Variants in GNA12 observed in about 807,000 individuals in gnomAD.
GNA12 encodes G protein subunit alpha 12, also known as guanine nucleotide-binding protein subunit alpha-12.
A neutral mutation model predicts 26.0 loss-of-function variants in GNA12; 9 were observed. The ratio of observed to expected loss-of-function variants is 0.35; its 90% CI spans 0.21 to 0.60. GNA12 has a LOEUF of 0.60. Among genes scored for constraint, GNA12 ranks in the 20% least tolerant of loss-of-function variants. The pLI is 0.78. For synonymous variants in GNA12, 264 were observed against 219.6 expected, an observed-to-expected ratio of 1.20 and a Z score of -1.79; for missense variants, 405 against 525.8, an observed-to-expected ratio of 0.77 and a Z score of 2.25.
chr7:2,829,489 C>T (rs1389870854), intron 1 of GNA12, among the ~76,000 whole-genome samples: 1 of 152,230 alleles, frequency 6.6e-6, no homozygotes, highest in African/African-American at 2.4e-5. Context: ...GTCTCCGATG[C>T]ACCTATGAGA....
intron 1 of GNA12, among the ~76,000 whole-genome samples, chr7:2,830,678 G>C (rs1793584590): frequency 6.6e-6 from 1 of 152,208 alleles, no homozygotes; most frequent in Non-Finnish European, 1.5e-5. Flanking sequence ...GGAAACATGA[G>C]GCTAGGAAAG....
Position 2,731,080 on chromosome 7 carries a change from C to T in GNA12, c.*101G>A, listed in dbSNP as rs187251454. The T allele has an allele frequency of 4.9e-3, 3,797 of 779,796 alleles. 12 individuals are homozygous for T. Among genetic ancestry groups the T allele is most frequent in the Non-Finnish European group, 6.4e-3 (3,111 of 482,474 alleles). The allele number at this position is 779,796 out of a possible 1,614,324, so 48.3% of individuals were successfully genotyped here. A position where few individuals can be genotyped will look rare whatever the true frequency, so the allele number is the denominator to read the frequency against. ...AGCCAGGTATTCCAGGGCACGGATC[C>T]GAGAAACCCACTCAAGGACCACACA... On this transcript the variant is annotated 3_prime_UTR_variant, in exon 4 of 4. Transcript: ENST00000275364. The surrounding 1 kb of genome is among the most constrained non-coding windows in gnomAD (Gnocchi z 6.0).
intron 1 of GNA12, chr7:2,814,916 C>A: frequency 6.3e-7 from 1 of 1,597,466 alleles, no homozygotes; most frequent in Admixed American, 1.7e-5. Context: ...GCCTGGGAAA[C>A]ATTCTCCGTT....
At chr7:2,786,877 C>T (rs983001188) in intron 2 of GNA12, among the ~76,000 whole-genome samples, 3 of 152,154 alleles carry the variant, frequency 2.0e-5, no homozygotes, top group African/African-American at 7.2e-5. Flanking sequence ...TGATGGCCTT[C>T]ATGGGGAGAC....
intron 2 of GNA12, among the ~76,000 whole-genome samples, chr7:2,780,093 T>TATATATGC (rs57390413): frequency 1.5e-5 from 2 of 130,136 alleles, no homozygotes; most frequent in Non-Finnish European, 3.2e-5. Context: ...TATATATATA[T>TATATATGC]GCCTGTTTTC....
chr7:2,843,221 C>T (rs73033417), intron 1 of GNA12, among the ~76,000 whole-genome samples: 1 of 152,160 alleles, frequency 6.6e-6, no homozygotes, highest in Non-Finnish European at 1.5e-5. Flanking sequence ...CACAAATCTT[C>T]CAGTGGGAAA....
intron 2 of GNA12, among the ~76,000 whole-genome samples, chr7:2,737,289 G>GTTTTTTTTTTTTTT (rs11389467): frequency 1.6e-3 from 101 of 62,262 alleles, no homozygotes; most frequent in Non-Finnish European, 2.3e-3. Flanking sequence ...TTTTTTTTTT[G>GTTTTTTTTTTTTTT]TTTTTTTTTT....
At chr7:2,736,802 C>T (rs1248484286) in intron 2 of GNA12, among the ~76,000 whole-genome samples, 1 of 152,254 alleles carries the variant, frequency 6.6e-6, no homozygotes, top group East Asian at 1.9e-4. Flanking sequence ...GCAGCAGCCT[C>T]GCCCGTCACC....
At chr7:2,809,185 C>T (rs1048792134) in intron 1 of GNA12, among the ~76,000 whole-genome samples, 8 of 152,148 alleles carry the variant, frequency 5.3e-5, no homozygotes, top group African/African-American at 1.9e-4. Context: ...GAGCACAAGC[C>T]CCACAAGGAC....
chr7:2,731,163 A>G lies in GNA12; in HGVS notation c.*18T>C, dbSNP rs749608326. Reference sequence around the variant, plus strand: ...CGTGGGGGCTGCTCAACGACGACAAACCCCGGGGCTTCCTCGCTCACTGCA... The same window carrying G: ...CGTGGGGGCTGCTCAACGACGACAAGCCCCGGGGCTTCCTCGCTCACTGCA... On this transcript the variant is annotated 3_prime_UTR_variant, in exon 4 of 4. Transcript: ENST00000275364. The surrounding 1 kb of genome is among the most constrained non-coding windows in gnomAD (Gnocchi z 6.0). The G allele has an allele frequency of 5.7e-6, 9 of 1,572,044 alleles. No homozygotes were observed. In the African/African-American group the frequency reaches 6.8e-5, roughly 12 times the overall value.
chr7:2,833,227 C>G (rs1778732421), intron 1 of GNA12, among the ~76,000 whole-genome samples: 1 of 152,206 alleles, frequency 6.6e-6, no homozygotes. Flanking sequence ...TGGCACTGCC[C>G]TTCAGGTGAT....
intron 2 of GNA12, among the ~76,000 whole-genome samples, chr7:2,738,087 G>A (rs765246153): frequency 6.6e-6 from 1 of 151,984 alleles, no homozygotes; most frequent in African/African-American, 2.4e-5. Context: ...TTTTAATTTG[G>A]GTACCTATGA....
At chr7:2,803,447 C>T (rs369243131) in intron 1 of GNA12, among the ~76,000 whole-genome samples, 12 of 152,206 alleles carry the variant, frequency 7.9e-5, no homozygotes, top group African/African-American at 2.6e-4. Context: ...ATCAGGAGCC[C>T]CCTAAGTGCT....
chr7:2,754,413 T>C (rs1039260671), intron 2 of GNA12, among the ~76,000 whole-genome samples: 1 of 152,150 alleles, frequency 6.6e-6, no homozygotes, highest in African/African-American at 2.4e-5. Context: ...CAAATACTTT[T>C]CTCCCAGTCT....
Position 2,794,928 on chromosome 7 carries a change from C to T in GNA12, c.525G>A (p.Leu175=). 2 of 1,610,496 alleles carry T rather than the reference C, an allele frequency of 1.2e-6. No individual in the cohort carries two copies. Among genetic ancestry groups the T allele is most frequent in the Non-Finnish European group, 8.5e-7 (1 of 1,176,730 alleles). The stretch of plus-strand genomic sequence containing the variant: ...CCAGCAAGAAGGCCTACTCACTCAC[C>T]AGCTGAAACTCGCTTCTCCGGCTGA... The part of the protein sequence containing the change: ...EAFSRRSEFQ[L]GESVKYFLDN... Residue 175 remains leucine, a splice_region_variant and synonymous_variant, in exon 2 of 4, where the codon CTG becomes CTA. Transcript: ENST00000275364.
chr7:2,758,773 T>C (rs1791418855), intron 2 of GNA12, among the ~76,000 whole-genome samples: 1 of 152,180 alleles, frequency 6.6e-6, no homozygotes, highest in South Asian at 2.1e-4. Context: ...GTTCAGTGGA[T>C]AATCAAGTGC....
At position 2,843,874 on chromosome 7, in the gene GNA12, G is replaced by A. The variant is rs1232624160; in HGVS notation, c.288C>T (p.Thr96=). The A allele has an allele frequency of 2.6e-6, 4 of 1,547,030 alleles. No homozygotes were observed. The highest frequency in any genetic ancestry group is 1.9e-5 in the Admixed American group (1 of 53,648). ...TCACCTTGAGGATGTTGTCGAAGAT[G>A]GTGTCGCGGAACTCCAGCAGCGCCT... ...DQKALLEFRD[T]IFDNILKGSR... Residue 96 remains threonine (T), a synonymous_variant, in exon 1 of 4, where the codon ACC becomes ACT. Coordinates refer to ENST00000275364, the MANE Select transcript of GNA12 (RefSeq NM_007353.3).
chr7:2,825,833 G>A (rs937074804), intron 1 of GNA12, among the ~76,000 whole-genome samples: 2 of 152,166 alleles, frequency 1.3e-5, no homozygotes, highest in Middle Eastern at 3.4e-3. Flanking sequence ...TTTAGAGTAC[G>A]CTCATTCCAG....
intron 1 of GNA12, among the ~76,000 whole-genome samples, chr7:2,833,867 G>A (rs923396494): frequency 2.0e-5 from 3 of 152,166 alleles, no homozygotes; most frequent in African/African-American, 7.2e-5. Flanking sequence ...CAGCAGAGGA[G>A]GCTGCTTCAA....
Sources: gnomAD v4.1 joint callset for allele counts (sites outside exome capture counted in the v4.1 genomes callset) on GRCh38, gnomAD v4.1.1 for gene constraint, Gnocchi (gnomAD v3.1) non-coding constraint, MANE v1.5 for transcripts, NCBI Gene and HGNC (gene_info 2026-07-23, HGNC 2026-07-21) for gene names.